The following WNT5A variants were observed in gnomAD, a reference collection of about 807,000 sequenced individuals.
The protein encoded by WNT5A is protein Wnt-5a.
In WNT5A, 9 loss-of-function variants were observed where a neutral mutation model predicts 42.1. The observed-to-expected ratio is 0.21, with a 90% CI of 0.13 to 0.37. The LOEUF is 0.37. WNT5A is among the 10% of genes least tolerant of loss of function. The pLI is 1.00. For synonymous variants in WNT5A, 210 were observed against 210.0 expected, an observed-to-expected ratio of 1.00 and a Z score of 0.00; for missense variants, 426 against 534.0, an observed-to-expected ratio of 0.80 and a Z score of 1.99.
upstream of WNT5A, among the ~76,000 whole-genome samples, chr3:55,489,682 G>A (rs1319077184): frequency 6.6e-6 from 1 of 152,174 alleles, no homozygotes; most frequent in African/African-American, 2.4e-5. Context: ...GCGGCCTTAA[G>A]GAGAGGGAAT....
the WNT5A span, among the ~76,000 whole-genome samples, chr3:55,498,373 G>A: frequency 6.6e-6 from 1 of 152,154 alleles, no homozygotes; most frequent in South Asian, 2.1e-4. Flanking sequence ...TAAATGAGCC[G>A]CGGCTCCCGC....
the WNT5A span, chr3:55,501,671 A>C: frequency 0.16 from 24,680 of 152,184 alleles, 2,496 homozygotes; most frequent in Non-Finnish European, 0.23. Context: ...ACAGTAGGTA[A>C]AGTTGTATAA....
chr3:55,494,946 A>T (rs111728577), upstream of WNT5A, among the ~76,000 whole-genome samples: 1 of 152,202 alleles, frequency 6.6e-6, no homozygotes, highest in Non-Finnish European at 1.5e-5. Context: ...CTGGGGACAC[A>T]TTTGGACAAG....
chr3:55,478,025 C>T (rs549568137), intron 3 of WNT5A, among the ~76,000 whole-genome samples: 1 of 152,336 alleles, frequency 6.6e-6, no homozygotes, highest in Non-Finnish European at 1.5e-5. Flanking sequence ...ATCTACCACA[C>T]TCCCAGTTAA....
At chr3:55,482,348 G>A (rs2051484069) in intron 1 of WNT5A, among the ~76,000 whole-genome samples, 1 of 152,210 alleles carries the variant, frequency 6.6e-6, no homozygotes, top group Non-Finnish European at 1.5e-5. Context: ...CGGGTGGGAG[G>A]AGCGGGTTTT....
the WNT5A span, chr3:55,505,198 T>TATCA: frequency 1.3e-5 from 2 of 152,200 alleles, no homozygotes; most frequent in African/African-American, 4.8e-5. Flanking sequence ...GGAAACTTAC[T>TATCA]ATCATGGTGG....
chr3:55,472,731 C>T (rs1327090505), intron 4 of WNT5A, among the ~76,000 whole-genome samples: 1 of 152,196 alleles, frequency 6.6e-6, no homozygotes, highest in Non-Finnish European at 1.5e-5. Context: ...AAATGTTTAA[C>T]AACAAATTTG....
chr3:55,469,951 TG>T lies in WNT5A; in HGVS notation c.*140del. The T allele has an allele frequency of 2.3e-6, 2 of 876,006 alleles. No individual in the cohort carries two copies. The highest frequency in any genetic ancestry group is 3.6e-6 in the Non-Finnish European group (2 of 558,574). The allele number at this position is 876,006 out of a possible 1,614,324, so 54.3% of individuals were successfully genotyped here. ...AATAATAAACCACAGAGTTCTTAGA[TG>T]GTAACAGGAAAAAAAATGGTTCCGG... On this transcript the variant is annotated 3_prime_UTR_variant, in exon 5 of 5. Coordinates refer to ENST00000264634, the MANE Select transcript of WNT5A (RefSeq NM_003392.7).
At chr3:55,500,533 T>C in the WNT5A span, among the ~76,000 whole-genome samples, 2 of 152,198 alleles carry the variant, frequency 1.3e-5, no homozygotes, top group African/African-American at 4.8e-5. Context: ...TGTCATGTAT[T>C]GGACATTGTG....
intron 3 of WNT5A, among the ~76,000 whole-genome samples, chr3:55,474,943 G>T (rs534995531): frequency 2.0e-5 from 3 of 150,120 alleles, no homozygotes; most frequent in Non-Finnish European, 4.4e-5. Flanking sequence ...GGGGGGGTAG[G>T]GGGTAGGGGA....
At chr3:55,496,951 C>G in the WNT5A span, among the ~76,000 whole-genome samples, 1 of 152,232 alleles carries the variant, frequency 6.6e-6, no homozygotes, top group African/African-American at 2.4e-5. Context: ...ATTCATTCAT[C>G]CCGTTGTTTG....
intron 3 of WNT5A, among the ~76,000 whole-genome samples, chr3:55,476,049 A>G (rs1375614266): frequency 6.6e-6 from 1 of 152,178 alleles, no homozygotes; most frequent in Admixed American, 6.5e-5. Flanking sequence ...AGTTTATCCT[A>G]TACTTACTTT....
chr3:55,500,501 T>C, the WNT5A span, among the ~76,000 whole-genome samples: 1 of 152,204 alleles, frequency 6.6e-6, no homozygotes, highest in Non-Finnish European at 1.5e-5. Flanking sequence ...ATTATTAATG[T>C]GGAAAATGCT....
chr3:55,476,921 G>A (rs2051368278), intron 3 of WNT5A, among the ~76,000 whole-genome samples: 1 of 152,190 alleles, frequency 6.6e-6, no homozygotes, highest in Non-Finnish European at 1.5e-5. Context: ...GGAAAGGGTA[G>A]CATGATGAAA....
At chr3:55,492,255 T>C (rs2051668665), upstream of WNT5A, among the ~76,000 whole-genome samples, 1 of 151,936 alleles carries the variant, frequency 6.6e-6, no homozygotes, top group African/African-American at 2.4e-5. Context: ...AATGGATGCT[T>C]TAATTTTGTT....
chr3:55,504,788 A>T, the WNT5A span, among the ~76,000 whole-genome samples: 1 of 152,200 alleles, frequency 6.6e-6, no homozygotes, highest in Non-Finnish European at 1.5e-5. Context: ...CAAATAAGAT[A>T]AAACAGAGAG....
chr3:55,467,520 C>T lies in WNT5A; in HGVS notation c.*2572G>A, dbSNP rs1250143970. The T allele has an allele frequency of 6.6e-6, 1 of 152,470 alleles. No individual in the cohort carries two copies. The highest frequency in any genetic ancestry group is 2.4e-5 in the African/African-American group (1 of 41,394). 9.4% of individuals were successfully genotyped at this position (152,470 alleles called of 1,614,324 possible). A position where few individuals can be genotyped will look rare whatever the true frequency, so the allele number is the denominator to read the frequency against. ...TGACATGTAGTCATCCTAAACTATC[C>T]GTCATGGTTTCTCCAAAAATCTCCA... On this transcript the variant is annotated 3_prime_UTR_variant, in exon 5 of 5. Transcript: ENST00000264634.
intron 1 of WNT5A, chr3:55,481,441 CGGGGGGTGGAGGAT>C: frequency 1.3e-5 from 5 of 398,582 alleles, no homozygotes; most frequent in South Asian, 2.3e-4. Context: ...GTGGCCAGCG[CGGGGGGTGGAGGAT>C]GGGGGCAGGA....
At chr3:55,478,326 C>T (rs925210622) in intron 3 of WNT5A, among the ~76,000 whole-genome samples, 1 of 151,858 alleles carries the variant, frequency 6.6e-6, no homozygotes, top group Non-Finnish European at 1.5e-5. Flanking sequence ...ATAAAAAATG[C>T]ATTTTATCCA....
Sources: allele counts gnomAD v4.1 joint callset (sites outside exome capture counted in the v4.1 genomes callset), GRCh38; gene constraint gnomAD v4.1.1; transcripts MANE v1.5; gene names NCBI Gene and HGNC (gene_info 2026-07-23, HGNC 2026-07-21).